LCN6: variants seen among roughly 807,000 people sequenced by gnomAD.
LCN6 encodes the protein epididymal-specific lipocalin-6.
A neutral mutation model predicts 21.4 loss-of-function variants in LCN6; 20 were observed. That is an observed-to-expected ratio of 0.93 (90% CI 0.66 to 1.36). LCN6 has a LOEUF of 1.36. LCN6 is among the 40% of genes most tolerant of loss of function. The probability of loss-of-function intolerance (pLI) is 0.00; values close to 1 mark genes in which losing one functional copy is unlikely to be tolerated. For missense variants in LCN6, 217 were observed against 206.6 expected (o/e 1.05, Z -0.31); for synonymous variants, 96 against 89.0 (o/e 1.08, Z -0.44).
intron 3 of LCN6, 124 bp from the exon 4 acceptor site, chr9:136,745,404 A>G: frequency 5.9e-6 from 4 of 680,152 alleles, no homozygotes; most frequent in South Asian, 5.0e-5. Context: ...TCCCCAGGAG[A>G]CCCCTCCAAG....
chr9:136,744,899 G>T lies in LCN6; in HGVS notation c.413-158C>A, dbSNP rs1246371095. ...CAGTGCAGCGAGCCTCAAGGTGGGGGAACTTGGCCTGCATGTGGTCCTGTG... is the reference window on the plus strand; with the variant it reads ...CAGTGCAGCGAGCCTCAAGGTGGGGTAACTTGGCCTGCATGTGGTCCTGTG... On this transcript the variant is annotated intron_variant, in intron 4 of 6. Transcript: ENST00000341206. The surrounding 1 kb of genome is among the most constrained non-coding windows in gnomAD (Gnocchi z 4.2). Among the ~76,000 whole-genome samples, 1 of 152,034 alleles carries T rather than the reference G, an allele frequency of 6.6e-6. No homozygotes were observed. Among genetic ancestry groups the T allele is most frequent in the East Asian group, 1.9e-4 (1 of 5,170 alleles).
intron 2 of LCN6, 106 bp downstream of exon 2, chr9:136,747,318 G>A: frequency 7.5e-7 from 1 of 1,335,166 alleles, no homozygotes; most frequent in Non-Finnish European, 1.0e-6. Flanking sequence ...GAGGGGCCGT[G>A]GGAAGCCCCC....
intron 3 of LCN6, 192 bp from the exon 4 acceptor site, chr9:136,745,472 C>G: frequency 1.8e-6 from 1 of 547,514 alleles, no homozygotes; most frequent in Non-Finnish European, 3.3e-6. Context: ...GTGCCAGCAT[C>G]AAGGGGCTTT....
rs766365253 is a variant in LCN6, at chr9:136,745,847, G to T, written c.298C>A (p.Pro100Thr). ...KRNSGWVFEN[P>T]SIGVLELWVL... ...AGGCCGTGGCCGTCAGACTCACAGG[G>T]ATTCTCAAACACCCATCCGGAGTTT... is the stretch of plus-strand genomic sequence containing the variant. The change falls in exon 3 of 7, where the codon CCC (proline) becomes ACC (threonine). Residue 100 changes from proline to threonine, a missense_variant. Coordinates refer to ENST00000341206, the MANE Select transcript of LCN6 (RefSeq NM_198946.3). 8 of 1,613,190 alleles carry T rather than the reference G, an allele frequency of 5.0e-6. No individual in the cohort carries two copies. Among genetic ancestry groups the T allele is most frequent in the Middle Eastern group, 3.3e-4 (2 of 6,078 alleles).
At position 136,745,298 on chromosome 9, in the gene LCN6, C is replaced by G. The variant is rs1201653713; in HGVS notation, c.302-18G>C. The G allele has an allele frequency of 6.4e-7, 1 of 1,570,514 alleles. No individual in the cohort carries two copies. Among genetic ancestry groups the G allele is most frequent in the Non-Finnish European group, 8.8e-7 (1 of 1,141,102 alleles). ...GCCTATTGCTAGGAAACAAAACCCC[C>G]CGCCTCAGGGGAGGGCAGCTGCTGT... On this transcript the variant is annotated intron_variant, in intron 3 of 6. Coordinates refer to ENST00000341206, the MANE Select transcript of LCN6 (RefSeq NM_198946.3).
In LCN6 at chr9:136,744,493, G is replaced by A. The variant is rs550044646; in HGVS notation, c.*23-129C>T. On this transcript the variant is annotated intron_variant, in intron 5 of 6. Coordinates refer to ENST00000341206, the MANE Select transcript of LCN6 (RefSeq NM_198946.3). This position sits in a 1 kb window ranked among gnomAD's most constrained non-coding sequence, Gnocchi z 4.2. The stretch of plus-strand genomic sequence containing the variant: ...CTGACTTTGGGCAGGGGCAGGTGAA[G>A]ACCCCCTCAGCCTGCCTGACTCCTT... The A allele has an allele frequency of 9.0e-5, 50 of 554,264 alleles. No individual in the cohort carries two copies. The highest frequency in any genetic ancestry group is 8.2e-4 in the African/African-American group (44 of 53,586). 34.3% of individuals were successfully genotyped at this position (554,264 alleles called of 1,614,324 possible).
intron 2 of LCN6, 36 bp downstream of exon 2, chr9:136,747,388 G>A: frequency 6.2e-7 from 1 of 1,607,288 alleles, no homozygotes; most frequent in Non-Finnish European, 8.5e-7. Flanking sequence ...CCACAGTCCT[G>A]CCTGCGGGAA....
chr9:136,745,470 A>T, intron 3 of LCN6, 190 bp from the exon 4 acceptor site: 1 of 504,860 alleles, frequency 2.0e-6, no homozygotes, highest in Non-Finnish European at 3.5e-6. Flanking sequence ...TGGTGCCAGC[A>T]TCAAGGGGCT....
Position 136,744,496 on chromosome 9 carries a change from C to A in LCN6, c.*23-132G>T. The A allele has an allele frequency of 1.8e-6, 1 of 559,100 alleles. No homozygotes were observed. The highest frequency in any genetic ancestry group is 3.2e-6 in the Non-Finnish European group (1 of 308,736). 34.6% of individuals were successfully genotyped at this position (559,100 alleles called of 1,614,324 possible). A position where few individuals can be genotyped will look rare whatever the true frequency, so the allele number is the denominator to read the frequency against. ...ACTTTGGGCAGGGGCAGGTGAAGAC[C>A]CCCTCAGCCTGCCTGACTCCTTCAG... On this transcript the variant is annotated intron_variant, in intron 5 of 6. Coordinates refer to ENST00000341206, the MANE Select transcript of LCN6 (RefSeq NM_198946.3). This position sits in a 1 kb window ranked among gnomAD's most constrained non-coding sequence, Gnocchi z 4.2.
chr9:136,748,268 G>A (rs1009471891), intron 1 of LCN6, 126 bp downstream of exon 1: 2 of 804,056 alleles, frequency 2.5e-6, no homozygotes, highest in Non-Finnish European at 4.0e-6. Context: ...CCCAAGGGCT[G>A]GCCCAACTAA....
intron 1 of LCN6, 23 bp downstream of exon 1, chr9:136,748,370 TC>T: frequency 6.3e-7 from 1 of 1,598,628 alleles, no homozygotes. Context: ...GGACCAGCTC[TC>T]CCCACCCCCA....
intron 3 of LCN6, 114 bp downstream of exon 3, chr9:136,745,730 C>T (rs1253735450): frequency 3.3e-6 from 3 of 903,794 alleles, no homozygotes; most frequent in Admixed American, 1.8e-5. Flanking sequence ...AAGACCAGAA[C>T]CTGTAGCCTC....
rs981490441 is a variant in LCN6, at chr9:136,744,798, G to A, written c.413-57C>T. On this transcript the variant is annotated intron_variant, in intron 4 of 6. Coordinates refer to ENST00000341206, the MANE Select transcript of LCN6 (RefSeq NM_198946.3). This position sits in a 1 kb window ranked among gnomAD's most constrained non-coding sequence, Gnocchi z 4.2. ...AACCTCTGAGAGCTGGGGAGGGGCC[G>A]GGGAGGGGCTGGGAAGGGTCAGGAA... is the stretch of plus-strand genomic sequence containing the variant. 7.2e-5 allele frequency: 92 copies of A among 1,272,178 alleles called. 1 individual carries two copies. The highest frequency in any genetic ancestry group is 7.1e-4 in the South Asian group (57 of 80,476). The allele number at this position is 1,272,178 out of a possible 1,614,324, so 78.8% of individuals were successfully genotyped here.
chr9:136,747,306 C>T (rs1847051984), intron 2 of LCN6, 118 bp downstream of exon 2: 2 of 1,160,170 alleles, frequency 1.7e-6, no homozygotes, highest in Non-Finnish European at 2.4e-6. Flanking sequence ...GACGGGGGTG[C>T]AGAGGGGCCG....
intron 2 of LCN6, among the ~76,000 whole-genome samples, chr9:136,746,694 G>T (rs979019865): frequency 6.6e-6 from 1 of 152,138 alleles, no homozygotes; most frequent in Non-Finnish European, 1.5e-5. Flanking sequence ...GGTGAGGAGG[G>T]CAGGTTCTTC....
Position 136,745,904 on chromosome 9 carries a change from A to G in LCN6, c.241T>C (p.Cys81Arg), listed in dbSNP as rs760529399. ...ATCAGGTCCATGACACTCTGGTCAC[A>G]CCCTCCCAGCCTGGAAAAGAAGGGG... ...TLSSQHGLGG[C>R]DQSVMDLIKR... The change falls in exon 3 of 7, where the codon TGT (cysteine) becomes CGT (arginine). Residue 81 changes from cysteine to arginine, a missense_variant. By Grantham distance (180) the Cys-to-Arg change is radical. Coordinates refer to ENST00000341206, the MANE Select transcript of LCN6 (RefSeq NM_198946.3). 86 of 1,613,134 alleles carry G rather than the reference A, an allele frequency of 5.3e-5. No individual in the cohort carries two copies. Among genetic ancestry groups the G allele is most frequent in the Non-Finnish European group, 7.0e-5 (83 of 1,179,868 alleles).
rs1487689039 is a variant in LCN6, at chr9:136,745,899, G to A, written c.246C>T (p.Asp82=). Reference sequence around the variant, plus strand: ...GCTTTATCAGGTCCATGACACTCTGGTCACACCCTCCCAGCCTGGAAAAGA... The same window carrying A: ...GCTTTATCAGGTCCATGACACTCTGATCACACCCTCCCAGCCTGGAAAAGA... ...LSSQHGLGGC[D]QSVMDLIKRN... Residue 82 remains aspartate (D), a synonymous_variant, in exon 3 of 7, where the codon GAC becomes GAT. Coordinates refer to ENST00000341206, the MANE Select transcript of LCN6 (RefSeq NM_198946.3). The A allele has an allele frequency of 6.2e-7, 1 of 1,613,626 alleles. No individual in the cohort carries two copies. Among genetic ancestry groups the A allele is most frequent in the Admixed American group, 1.7e-5 (1 of 59,990 alleles).
Position 136,744,448 on chromosome 9 carries a change from T to C in LCN6, c.*23-84A>G. The C allele has an allele frequency of 2.0e-6, 1 of 503,534 alleles. No homozygotes were observed. The highest frequency in any genetic ancestry group is 3.6e-6 in the Non-Finnish European group (1 of 277,296). 31.2% of individuals were successfully genotyped at this position (503,534 alleles called of 1,614,324 possible). ...CCCCACCCACAAGACTCGCCTGCCG[T>C]GGGGACAAGACCCCCAGGCCTGACT... On this transcript the variant is annotated intron_variant, in intron 5 of 6. Transcript: ENST00000341206. The surrounding 1 kb of genome is among the most constrained non-coding windows in gnomAD (Gnocchi z 4.2).
At chr9:136,745,444 C>T (rs1173048221) in intron 3 of LCN6, 164 bp from the exon 4 acceptor site, 4 of 583,600 alleles carry the variant, frequency 6.9e-6, no homozygotes, top group Non-Finnish European at 1.2e-5. Flanking sequence ...CTTTGTCCCC[C>T]ACCCCCGACC....
Sources: gnomAD v4.1 joint callset for allele counts (sites outside exome capture counted in the v4.1 genomes callset) on GRCh38, gnomAD v4.1.1 for gene constraint, Gnocchi (gnomAD v3.1) non-coding constraint, MANE v1.5 for transcripts, NCBI Gene and HGNC (gene_info 2026-07-23, HGNC 2026-07-21) for gene names.